The following COL4A1 variants were observed in gnomAD, a reference collection of about 807,000 sequenced individuals.
The protein encoded by COL4A1 is collagen alpha-1(IV) chain.
In COL4A1, 40 loss-of-function variants were observed where a neutral mutation model predicts 216.6. That is an observed-to-expected ratio of 0.18 (90% CI 0.14 to 0.24). The LOEUF is 0.24. COL4A1 is among the 10% of genes least tolerant of loss of function. The probability of loss-of-function intolerance (pLI) is 1.00; values close to 1 mark genes in which losing one functional copy is unlikely to be tolerated. For synonymous variants in COL4A1, 839 were observed against 810.7 expected (o/e 1.03, Z -0.59); for missense variants, 1,628 against 2,196.8 (o/e 0.74, Z 5.18).
chr13:110,199,652 G>C (rs1879082375), intron 20 of COL4A1, among the ~76,000 whole-genome samples: 1 of 152,204 alleles, frequency 6.6e-6, no homozygotes. Context: ...AGAGGCAATG[G>C]TCAAGGCCAC....
intron 1 of COL4A1, among the ~76,000 whole-genome samples, chr13:110,261,300 G>T (rs1047953496): frequency 1.3e-5 from 2 of 152,102 alleles, no homozygotes; most frequent in African/African-American, 4.8e-5. Flanking sequence ...GCCTCTGATG[G>T]AATTCCACAG....
At chr13:110,157,807 C>T (rs1284879701) in intron 49 of COL4A1, among the ~76,000 whole-genome samples, 1 of 152,160 alleles carries the variant, frequency 6.6e-6, no homozygotes. Context: ...GACTTAGACT[C>T]TTGGTGCTCA....
intron 2 of COL4A1, among the ~76,000 whole-genome samples, chr13:110,230,265 T>C (rs556303510): frequency 6.6e-6 from 1 of 151,882 alleles, no homozygotes; most frequent in South Asian, 2.1e-4. Context: ...TGTGTGTATA[T>C]GTTATGTGTG....
At chr13:110,220,126 C>T (rs1293208845) in intron 2 of COL4A1, among the ~76,000 whole-genome samples, 4 of 151,928 alleles carry the variant, frequency 2.6e-5, no homozygotes, top group Non-Finnish European at 4.4e-5. Flanking sequence ...TTAGTAGAGA[C>T]GGGGTTTCGC....
chr13:110,171,421 C>G (rs1877638216), intron 41 of COL4A1, among the ~76,000 whole-genome samples: 1 of 152,014 alleles, frequency 6.6e-6, no homozygotes, highest in South Asian at 2.1e-4. Context: ...CTATGTCAGC[C>G]TTATCAAATT....
intron 1 of COL4A1, among the ~76,000 whole-genome samples, chr13:110,278,614 G>C (rs1883510998): frequency 6.6e-6 from 1 of 151,962 alleles, no homozygotes; most frequent in African/African-American, 2.4e-5. Flanking sequence ...TTTTTAAAAA[G>C]GCTTTCCTCC....
intron 1 of COL4A1, among the ~76,000 whole-genome samples, chr13:110,285,056 G>A (rs1883782685): frequency 6.6e-6 from 1 of 152,328 alleles, no homozygotes; most frequent in East Asian, 1.9e-4. Flanking sequence ...GTCAGTCTGG[G>A]CTGAGGCTTT....
chr13:110,294,378 A>G (rs1186653219), intron 1 of COL4A1, among the ~76,000 whole-genome samples: 2 of 152,268 alleles, frequency 1.3e-5, no homozygotes, highest in East Asian at 1.9e-4. Flanking sequence ...CAAAGTGCCA[A>G]GAAATCTTGC....
At chr13:110,283,547 T>C (rs1471970321) in intron 1 of COL4A1, among the ~76,000 whole-genome samples, 1 of 152,194 alleles carries the variant, frequency 6.6e-6, no homozygotes, top group African/African-American at 2.4e-5. Flanking sequence ...CACACACCTT[T>C]CTGTGTATAC....
In COL4A1 at chr13:110,210,204, T is replaced by C; in HGVS notation, c.477A>G (p.Pro159=). Residue 159 remains proline (P), a synonymous_variant, in exon 9 of 52, where the codon CCA becomes CCG. Coordinates refer to ENST00000375820, the MANE Select transcript of COL4A1 (RefSeq NM_001845.6). The part of the protein sequence containing the change: ...PPGLPGMKGD[P]GEILGHVPGM... ...CGGGCACATGGCCAAGTATCTCACC[T>C]GGATCACCCTAGAGGATGAAGAAAG... 1.2e-6 allele frequency: 2 copies of C among 1,613,602 alleles called. No individual in the cohort carries two copies. Among genetic ancestry groups the C allele is most frequent in the South Asian group, 2.2e-5 (2 of 91,058 alleles).
chr13:110,219,480 A>T (rs1233026458), intron 2 of COL4A1, among the ~76,000 whole-genome samples: 1 of 151,646 alleles, frequency 6.6e-6, no homozygotes, highest in Non-Finnish European at 1.5e-5. Flanking sequence ...CGAAATTCTC[A>T]TTTTCTCCCT....
intron 1 of COL4A1, among the ~76,000 whole-genome samples, chr13:110,247,824 T>TGC (rs1566411168): frequency 8.3e-6 from 1 of 119,772 alleles, no homozygotes. Flanking sequence ...TGTGTGTGTG[T>TGC]GTGTGTGTGT....
chr13:110,252,283 C>G (rs1258486343), intron 1 of COL4A1, among the ~76,000 whole-genome samples: 3 of 151,682 alleles, frequency 2.0e-5, no homozygotes, highest in African/African-American at 7.3e-5. Flanking sequence ...CTCAGCCTCC[C>G]GAAGCACTGG....
chr13:110,239,819 T>C (rs2139242216), intron 2 of COL4A1, among the ~76,000 whole-genome samples: 1 of 152,316 alleles, frequency 6.6e-6, no homozygotes, highest in Non-Finnish European at 1.5e-5. Flanking sequence ...GACTTTGGGA[T>C]GAGAGAAAGG....
At chr13:110,158,081 G>T in intron 49 of COL4A1, among the ~76,000 whole-genome samples, 1 of 152,316 alleles carries the variant, frequency 6.6e-6, no homozygotes, top group Non-Finnish European at 1.5e-5. Context: ...TAGTTATCAG[G>T]CATGGTTCTG....
At chr13:110,208,803 ACTGTGGT>A (rs1566375565) in intron 12 of COL4A1, 39 bp downstream of exon 12, 2 of 1,581,876 alleles carry the variant, frequency 1.3e-6, no homozygotes, top group Non-Finnish European at 1.7e-6. Context: ...TCAGGTGAGG[ACTGTGGT>A]TTTCAACATG....
At chr13:110,218,253 T>A (rs1312250475) in intron 2 of COL4A1, among the ~76,000 whole-genome samples, 3 of 152,178 alleles carry the variant, frequency 2.0e-5, no homozygotes, top group African/African-American at 7.2e-5. Context: ...TATCTTTAAA[T>A]CAAAATTTTA....
At chr13:110,242,386 T>C (rs1267957215) in intron 2 of COL4A1, among the ~76,000 whole-genome samples, 1 of 152,234 alleles carries the variant, frequency 6.6e-6, no homozygotes, top group African/African-American at 2.4e-5. Context: ...AAAAGTACGA[T>C]AGATTCAACA....
At chr13:110,252,813 T>C (rs1034955371) in intron 1 of COL4A1, among the ~76,000 whole-genome samples, 32 of 131,586 alleles carry the variant, frequency 2.4e-4, no homozygotes, top group Non-Finnish European at 4.9e-4. Context: ...TACAGATAAC[T>C]ATAAGTACGT....
Sources: gnomAD v4.1 joint callset for allele counts (sites outside exome capture counted in the v4.1 genomes callset) on GRCh38, gnomAD v4.1.1 for gene constraint, MANE v1.5 for transcripts, NCBI Gene and HGNC (gene_info 2026-07-23, HGNC 2026-07-21) for gene names.